The following MCM10 variants were observed in gnomAD, a reference collection of about 807,000 sequenced individuals.
MCM10 encodes protein MCM10 homolog.
Under a neutral mutation model 109.9 loss-of-function variants are expected in MCM10, and 91 were observed. That is an observed-to-expected ratio of 0.83 (90% CI 0.70 to 0.99). The LOEUF is 0.99. MCM10 is among the 50% of genes least tolerant of loss of function. The probability of loss-of-function intolerance (pLI) is 0.00; values close to 1 mark genes in which losing one functional copy is unlikely to be tolerated. For missense variants in MCM10, 1,077 were observed against 1,061.2 expected, an observed-to-expected ratio of 1.01 and a Z score of -0.21; for synonymous variants, 380 against 387.2, an observed-to-expected ratio of 0.98 and a Z score of 0.22.
chr10:13,169,989 A>C (rs1016349739), intron 2 of MCM10, among the ~76,000 whole-genome samples: 1 of 152,212 alleles, frequency 6.6e-6, no homozygotes, highest in Non-Finnish European at 1.5e-5. Context: ...TACAGGCGTG[A>C]GCCACCACGC....
intron 17 of MCM10, chr10:13,201,904 T>C: frequency 5.1e-6 from 1 of 196,152 alleles, no homozygotes; most frequent in Non-Finnish European, 1.0e-5. Context: ...CCCCCTGGCC[T>C]CTCCTGTTAT....
chr10:13,205,748 G>C lies in MCM10; in HGVS notation c.2498+1384G>C, dbSNP rs960029207. 5.9e-4 allele frequency among the ~76,000 whole-genome samples: 90 copies of C among 152,292 alleles called. No homozygotes were observed. In the Middle Eastern group the frequency reaches 0.01, roughly 17 times the overall value. On this transcript the variant is annotated intron_variant, in intron 18 of 19. Coordinates refer to ENST00000378714, the MANE Select transcript of MCM10 (RefSeq NM_018518.5). Reference sequence around the variant, plus strand: ...TATAAGATGATAACTCTGATGATGAGTGTTTTTCCGAATACTTTGGACCCA... The same window carrying C: ...TATAAGATGATAACTCTGATGATGACTGTTTTTCCGAATACTTTGGACCCA...
chr10:13,195,263 C>A lies in MCM10; in HGVS notation c.1968C>A (p.Ala656=). The A allele has an allele frequency of 6.3e-7, 1 of 1,593,942 alleles. No homozygotes were observed. The highest frequency in any genetic ancestry group is 1.1e-5 in the South Asian group (1 of 88,334). ...PRPKLSALAE[A]KKLAAITKLR... The stretch of plus-strand genomic sequence containing the variant: ...CAAAACTGAGTGCTTTAGCAGAAGC[C>A]AAAAAGGTAACTGGCATCTCTTCTC... Residue 656 remains alanine, a synonymous_variant, in exon 14 of 20, where the codon GCC becomes GCA. Transcript: ENST00000378714.
In MCM10 at chr10:13,172,036, A is replaced by G. The variant is rs1396224156; in HGVS notation, c.350-340A>G. Among the ~76,000 whole-genome samples, 2 of 151,916 alleles carry G rather than the reference A, an allele frequency of 1.3e-5. No individual in the cohort carries two copies. Among genetic ancestry groups the G allele is most frequent in the African/African-American group, 4.8e-5 (2 of 41,358 alleles). On this transcript the variant is annotated intron_variant, in intron 3 of 19. Coordinates refer to ENST00000378714, the MANE Select transcript of MCM10 (RefSeq NM_018518.5). The surrounding 1 kb of genome is among the most constrained non-coding windows in gnomAD (Gnocchi z 5.2). ...GCGTCCTCCTGCCTCAGCCTCCCAAAATGCTGTGATTACAGGCACGAGCCA... is the reference window on the plus strand; with the variant it reads ...GCGTCCTCCTGCCTCAGCCTCCCAAGATGCTGTGATTACAGGCACGAGCCA...
At chr10:13,195,960 G>A (rs964988425) in intron 14 of MCM10, among the ~76,000 whole-genome samples, 1 of 152,096 alleles carries the variant, frequency 6.6e-6, no homozygotes, top group Admixed American at 6.6e-5. Flanking sequence ...CTAGAGTGCA[G>A]TGGTGCAATT....
At position 13,171,057 on chromosome 10, in the gene MCM10, C is replaced by T. The variant is rs1415768414; in HGVS notation, c.143C>T (p.Ala48Val). ...EPDAFDELFD[A>V]DGDGESYTEE... The stretch of plus-strand genomic sequence containing the variant: ...GACGCATTTGATGAGCTCTTTGATG[C>T]CGACGGCGACGGTGAATCTTATACA... Residue 48 changes from alanine to valine, a missense_variant, in exon 3 of 20, where the codon GCC (alanine) becomes GTC (valine). Coordinates refer to ENST00000378714, the MANE Select transcript of MCM10 (RefSeq NM_018518.5). The T allele has an allele frequency of 6.2e-7, 1 of 1,614,140 alleles. No individual in the cohort carries two copies. Among genetic ancestry groups the T allele is most frequent in the South Asian group, 1.1e-5 (1 of 91,084 alleles).
At position 13,180,548 on chromosome 10, in the gene MCM10, A is replaced by T. The variant is rs777118584; in HGVS notation, c.871A>T (p.Ile291Leu). Reference sequence around the variant, plus strand: ...GATGGCCAGAGAGAAGCTGGAAGAAATAGATTGGGTGACATTTGGGGTTAT... The same window carrying T: ...GATGGCCAGAGAGAAGCTGGAAGAATTAGATTGGGTGACATTTGGGGTTAT... The part of the protein sequence containing the change: ...EKMAREKLEE[I>L]DWVTFGVILK... Residue 291 changes from isoleucine (I) to leucine (L), a missense_variant, in exon 7 of 20, where the codon ATA becomes TTA. Coordinates refer to ENST00000378714, the MANE Select transcript of MCM10 (RefSeq NM_018518.5). 5 of 1,614,174 alleles carry T rather than the reference A, an allele frequency of 3.1e-6. No homozygotes were observed. In the South Asian group the frequency reaches 4.4e-5, roughly 14 times the overall value.
intron 13 of MCM10, among the ~76,000 whole-genome samples, chr10:13,192,893 T>C (rs1191031616): frequency 2.7e-5 from 4 of 150,918 alleles, no homozygotes; most frequent in East Asian, 1.9e-4. Flanking sequence ...CTCTCTCTCT[T>C]TTTTTTTTCT....
At chr10:13,171,307 G>C in intron 3 of MCM10, 44 bp downstream of exon 3, 1 of 1,496,010 alleles carries the variant, frequency 6.7e-7, no homozygotes, top group Non-Finnish European at 9.0e-7. Flanking sequence ...GGATAAGTTG[G>C]ATGAAGACCA....
intron 6 of MCM10, among the ~76,000 whole-genome samples, chr10:13,176,052 G>C (rs945011315): frequency 1.3e-5 from 2 of 152,140 alleles, no homozygotes; most frequent in African/African-American, 4.8e-5. Context: ...GTTTAACCAG[G>C]ATAATATTTA....
chr10:13,195,369 T>A, intron 14 of MCM10, 100 bp downstream of exon 14: 4 of 855,796 alleles, frequency 4.7e-6, no homozygotes, highest in Non-Finnish European at 7.1e-6. Context: ...ATCGTGATCA[T>A]TAGAGTCAGT....
chr10:13,175,564 C>T lies in MCM10; in HGVS notation c.647C>T (p.Thr216Met), dbSNP rs986158427. 5 of 1,614,078 alleles carry T rather than the reference C, an allele frequency of 3.1e-6. No individual in the cohort carries two copies. The highest frequency in any genetic ancestry group is 2.2e-5 in the East Asian group (1 of 44,884). Residue 216 changes from threonine to methionine, a missense_variant, in exon 6 of 20, where the codon ACG becomes ATG. Physicochemically the swap from Thr to Met is moderately conservative, Grantham distance 81 (BLOSUM62 -1). Transcript: ENST00000378714. Reference sequence around the variant, plus strand: ...AGTGCACCCTCCCAACCCCTACAGACGATTTCTCGGAACAAACCTAGTGGG... The same window carrying T: ...AGTGCACCCTCCCAACCCCTACAGATGATTTCTCGGAACAAACCTAGTGGG... Reference protein sequence around the residue: ...MTSAPSQPLQTISRNKPSGIT... With the variant: ...MTSAPSQPLQMISRNKPSGIT...
intron 6 of MCM10, among the ~76,000 whole-genome samples, chr10:13,177,526 TTTTTTA>T (rs1247976258): frequency 2.1e-3 from 290 of 136,376 alleles, no homozygotes; most frequent in African/African-American, 6.8e-3. Context: ...TTTTTTTTTT[TTTTTTA>T]ATCTATTAAC....
In MCM10 at chr10:13,188,970, A is replaced by G. The variant is rs1340190356; in HGVS notation, c.1305A>G (p.Gly435=). 8 of 1,614,234 alleles carry G rather than the reference A, an allele frequency of 5.0e-6. No homozygotes were observed. The highest frequency in any genetic ancestry group is 5.9e-6 in the Non-Finnish European group (7 of 1,180,008). ...CGGATCTGCAGTCCACCTTCTCTGG[A>G]GGACGAATTCCAAAGAAGTTTGCCC... ...KRADLQSTFS[G]GRIPKKFARR... Residue 435 remains glycine (G), a synonymous_variant, in exon 10 of 20, where the codon GGA becomes GGG. Transcript: ENST00000378714.
chr10:13,174,539 T>C (rs1270536991), intron 5 of MCM10, among the ~76,000 whole-genome samples: 4 of 152,174 alleles, frequency 2.6e-5, no homozygotes, highest in Non-Finnish European at 2.9e-5. Context: ...CATCATTGCA[T>C]AGAGAATCAG....
intron 7 of MCM10, among the ~76,000 whole-genome samples, chr10:13,181,063 T>C (rs567696145): frequency 4.5e-4 from 68 of 152,306 alleles, no homozygotes; most frequent in African/African-American, 1.6e-3. Flanking sequence ...TTACCAAAGA[T>C]CTAACAAGTT....
chr10:13,171,383 AAAG>A (rs1273571320), intron 3 of MCM10, 120 bp downstream of exon 3: 1 of 945,968 alleles, frequency 1.1e-6, no homozygotes, highest in South Asian at 1.9e-5. Flanking sequence ...CTTTGTAAAA[AAAG>A]AAAAAAAGAA....
intron 16 of MCM10, among the ~76,000 whole-genome samples, chr10:13,200,387 G>A (rs976801466): frequency 1.3e-5 from 2 of 152,126 alleles, no homozygotes; most frequent in Admixed American, 1.3e-4. Flanking sequence ...CACAGAGGTA[G>A]CAATCATTGC....
intron 10 of MCM10, 98 bp from the exon 11 acceptor site, chr10:13,191,201 C>T (rs1047105254): frequency 2.8e-5 from 22 of 778,716 alleles, no homozygotes; most frequent in Middle Eastern, 2.3e-4. Context: ...GAAACTTTGA[C>T]GGTGTGTGTA....
Sources: allele counts gnomAD v4.1 joint callset (sites outside exome capture counted in the v4.1 genomes callset), GRCh38; gene constraint gnomAD v4.1.1; non-coding constraint Gnocchi (gnomAD v3.1); transcripts MANE v1.5; gene names NCBI Gene and HGNC (gene_info 2026-07-23, HGNC 2026-07-21).